Variants in KIF21A observed in about 807,000 individuals in gnomAD.
KIF21A encodes the protein kinesin-like protein KIF21A.
A neutral mutation model predicts 202.9 loss-of-function variants in KIF21A; 114 were observed. The observed-to-expected ratio is 0.56, with a 90% confidence interval of 0.48 to 0.66. KIF21A has a LOEUF of 0.66. Among genes scored for constraint, KIF21A ranks in the 30% least tolerant of loss-of-function variants. The pLI is 0.00. For synonymous variants in KIF21A, 667 were observed against 670.8 expected, an observed-to-expected ratio of 0.99 and a Z score of 0.09; for missense variants, 1,677 against 1,994.9, an observed-to-expected ratio of 0.84 and a Z score of 3.04.
rs1488780871 is a variant in KIF21A, at chr12:39,331,701, C to G, written c.3142G>C (p.Gly1048Arg). 1 of 1,609,238 alleles carries G rather than the reference C, an allele frequency of 6.2e-7. No individual in the cohort carries two copies. The highest frequency in any genetic ancestry group is 1.7e-5 in the Admixed American group (1 of 59,990). Residue 1048 changes from glycine (G) to arginine (R), a missense_variant, in exon 22 of 38, where the codon GGC becomes CGC. By Grantham distance (125) the Gly-to-Arg change is moderately radical (BLOSUM62 -2). This residue lies in a region of KIF21A where 705 missense variants were observed against 791.9 expected (regional missense o/e 0.89). Transcript: ENST00000361418. Reference protein sequence around the residue: ...RYLLDHFLSMGINKGLQAAQK... With the variant: ...RYLLDHFLSMRINKGLQAAQK... ...TGGTTGTATCTTACCTTATTGATGC[C>G]CATTGACAGGAAGTGATCTAGCAGG...
chr12:39,416,715 G>GTATATATATGTATATATATATGTGTGTA (rs35740569), intron 1 of KIF21A, among the ~76,000 whole-genome samples: 1 of 74,312 alleles, frequency 1.3e-5, no homozygotes, highest in Admixed American at 1.4e-4. Flanking sequence ...ATATATGTGT[G>GTATATATATGTATATATATATGTGTGTA]TATATATGTA....
At chr12:39,416,375 C>T (rs1054258671) in intron 1 of KIF21A, among the ~76,000 whole-genome samples, 5 of 151,988 alleles carry the variant, frequency 3.3e-5, no homozygotes, top group Non-Finnish European at 7.4e-5. Flanking sequence ...AAGGGCGGAT[C>T]ACCTGAGGTC....
At chr12:39,436,448 A>ATTTTTT (rs1160949360) in intron 1 of KIF21A, among the ~76,000 whole-genome samples, 97 of 95,650 alleles carry the variant, frequency 1.0e-3, no homozygotes, top group Non-Finnish European at 1.6e-3. Flanking sequence ...ATATATATAT[A>ATTTTTT]TTTTTTTTTT....
intron 1 of KIF21A, among the ~76,000 whole-genome samples, chr12:39,379,835 CTT>C (rs1259608129): frequency 3.3e-5 from 5 of 152,228 alleles, no homozygotes; most frequent in South Asian, 2.1e-4. Flanking sequence ...TGCCTCATCT[CTT>C]GTCGCCTCCC....
chr12:39,330,936 T>G, intron 22 of KIF21A, 25 bp from the exon 23 acceptor site: 1 of 1,612,468 alleles, frequency 6.2e-7, no homozygotes, highest in South Asian at 1.1e-5. Flanking sequence ...AAAATTATCT[T>G]AGGTCATACG....
intron 1 of KIF21A, among the ~76,000 whole-genome samples, chr12:39,402,741 T>C (rs374673105): frequency 3.3e-5 from 5 of 152,234 alleles, no homozygotes; most frequent in African/African-American, 1.2e-4. Context: ...ACATTATTAG[T>C]TTTTTTGGCA....
chr12:39,428,847 A>T (rs1954964030), intron 1 of KIF21A, among the ~76,000 whole-genome samples: 1 of 151,824 alleles, frequency 6.6e-6, no homozygotes, highest in South Asian at 2.1e-4. Flanking sequence ...AATCCTAGCT[A>T]CTCGGGAGGC....
At chr12:39,421,283 T>C (rs1954232059) in intron 1 of KIF21A, among the ~76,000 whole-genome samples, 1 of 152,226 alleles carries the variant, frequency 6.6e-6, no homozygotes, top group South Asian at 2.1e-4. Flanking sequence ...TGTATAAGTA[T>C]ACTCTATTAT....
intron 26 of KIF21A, among the ~76,000 whole-genome samples, chr12:39,323,220 T>C (rs1945479923): frequency 6.6e-6 from 1 of 152,120 alleles, no homozygotes. Flanking sequence ...CAAGGTCATA[T>C]ACCTAGTAAG....
At position 39,304,927 on chromosome 12, in the gene KIF21A, G is replaced by A; in HGVS notation, c.4454C>T (p.Thr1485Ile). The A allele has an allele frequency of 1.3e-6, 2 of 1,553,656 alleles. No individual in the cohort carries two copies. Among genetic ancestry groups the A allele is most frequent in the South Asian group, 2.2e-5 (2 of 89,616 alleles). Reference sequence around the variant, plus strand: ...GCCTAGGTGTCCTGTTAACTTTCCTGTAGACTGAAACCTTTAAAAATAAAG... The same window carrying A: ...GCCTAGGTGTCCTGTTAACTTTCCTATAGACTGAAACCTTTAAAAATAAAG... ...RMWDLKRFQSTGKLTGHLGPV... is the reference protein window; with the variant it reads ...RMWDLKRFQSIGKLTGHLGPV... Residue 1485 changes from threonine (T) to isoleucine (I), a missense_variant, in exon 35 of 38, where the codon ACA becomes ATA. Coordinates refer to ENST00000361418, the MANE Select transcript of KIF21A (RefSeq NM_001173464.2).
intron 1 of KIF21A, among the ~76,000 whole-genome samples, chr12:39,407,963 GAGAAA>G (rs140509415): frequency 0.081 from 12,325 of 151,500 alleles, 625 homozygotes; most frequent in South Asian, 0.28. Flanking sequence ...CATATGAATA[GAGAAA>G]AGAAAACGTG....
chr12:39,335,128 A>G (rs1398899359), intron 17 of KIF21A, among the ~76,000 whole-genome samples: 1 of 152,144 alleles, frequency 6.6e-6, no homozygotes, highest in East Asian at 1.9e-4. Flanking sequence ...GTGTTAAATA[A>G]AAGAAGCCAG....
chr12:39,388,025 C>A (rs1307359799), intron 1 of KIF21A, among the ~76,000 whole-genome samples: 1 of 152,158 alleles, frequency 6.6e-6, no homozygotes. Flanking sequence ...CAGGTCAGTT[C>A]TTTCGAAGAA....
intron 34 of KIF21A, among the ~76,000 whole-genome samples, chr12:39,305,368 G>GAAAAAA (rs539400060): frequency 1.3e-5 from 1 of 78,796 alleles, no homozygotes; most frequent in Non-Finnish European, 2.9e-5. Flanking sequence ...TCCGACTCAA[G>GAAAAAA]AAAAAAAAAA....
intron 1 of KIF21A, among the ~76,000 whole-genome samples, chr12:39,428,105 T>C (rs1019145861): frequency 1.3e-5 from 2 of 152,218 alleles, no homozygotes; most frequent in Non-Finnish European, 2.9e-5. Context: ...CCTACTATTG[T>C]GTTCATTATC....
At chr12:39,313,049 G>A (rs1336019509) in intron 31 of KIF21A, among the ~76,000 whole-genome samples, 1 of 151,906 alleles carries the variant, frequency 6.6e-6, no homozygotes, top group African/African-American at 2.4e-5. Context: ...CAAGAGGGCA[G>A]AAATGATTAA....
chr12:39,348,023 A>G (rs1948048949), intron 11 of KIF21A, among the ~76,000 whole-genome samples: 1 of 152,054 alleles, frequency 6.6e-6, no homozygotes, highest in South Asian at 2.1e-4. Context: ...CAGATTTTCT[A>G]TTTTCAATAT....
intron 11 of KIF21A, among the ~76,000 whole-genome samples, chr12:39,348,581 T>G (rs1158986825): frequency 1.3e-5 from 2 of 151,874 alleles, no homozygotes; most frequent in African/African-American, 4.8e-5. Flanking sequence ...AACTCTTACA[T>G]TGTCAGAGGC....
chr12:39,331,614 A>G (rs1946513351), intron 22 of KIF21A, 76 bp downstream of exon 22: 2 of 929,208 alleles, frequency 2.2e-6, no homozygotes, highest in African/African-American at 3.2e-5. Flanking sequence ...GCAAAGGGTT[A>G]CTACAGAAAG....
Sources: allele counts gnomAD v4.1 joint callset (sites outside exome capture counted in the v4.1 genomes callset), GRCh38; gene constraint gnomAD v4.1.1; regional missense constraint gnomAD v4.1.1; transcripts MANE v1.5; gene names NCBI Gene and HGNC (gene_info 2026-07-23, HGNC 2026-07-21).